Variants in GRIN2B observed in about 807,000 individuals in gnomAD.
GRIN2B encodes glutamate ionotropic receptor NMDA type subunit 2B.
In GRIN2B, 5 loss-of-function variants were observed where a neutral mutation model predicts 114.5. The observed-to-expected ratio is 0.04, with a 90% confidence interval of 0.02 to 0.09. The LOEUF is 0.09. Among genes scored for constraint, GRIN2B ranks in the 10% least tolerant of loss-of-function variants. GRIN2B has a pLI of 1.00. For missense variants in GRIN2B, 1,108 were observed against 1,943.5 expected (o/e 0.57, Z 8.08); for synonymous variants, 787 against 745.1 (o/e 1.06, Z -0.92).
chr12:13,615,789 A>G lies in GRIN2B; in HGVS notation c.1329-125T>C. On this transcript the variant is annotated intron_variant, in intron 6 of 13. Coordinates refer to ENST00000609686, the MANE Select transcript of GRIN2B (RefSeq NM_000834.5). This position sits in a 1 kb window ranked among gnomAD's most constrained non-coding sequence, Gnocchi z 5.8. Reference sequence around the variant, plus strand: ...GCAGGCCCCCTTCACAGCTCAGCACAATTTATACTAGACTCGAGTGAAGAA... The same window carrying G: ...GCAGGCCCCCTTCACAGCTCAGCACGATTTATACTAGACTCGAGTGAAGAA... The G allele has an allele frequency of 1.3e-6, 1 of 771,302 alleles. No individual in the cohort carries two copies. 47.8% of individuals were successfully genotyped at this position (771,302 alleles called of 1,614,324 possible). A position where few individuals can be genotyped will look rare whatever the true frequency, so the allele number is the denominator to read the frequency against.
rs1033631050 is a variant in GRIN2B, at chr12:13,946,530, T to C, written c.-19+33398A>G. On this transcript the variant is annotated intron_variant, in intron 2 of 13. Transcript: ENST00000609686. ...TGCTTGAAAGTATTTTACTGGTCAC[T>C]ATTATACTTCTTTGCAACCAAAATA... Among the ~76,000 whole-genome samples, 6 of 152,122 alleles carry C rather than the reference T, an allele frequency of 3.9e-5. No homozygotes were observed. In the South Asian group the frequency reaches 1.2e-3, roughly 31 times the overall value.
chr12:13,761,059 T>C (rs12580659), intron 3 of GRIN2B, among the ~76,000 whole-genome samples: 15 of 152,320 alleles, frequency 9.8e-5, no homozygotes, highest in East Asian at 9.7e-4. Context: ...TGGAAGCATA[T>C]TGATACAGAA....
chr12:13,807,535 C>T (rs1010328797), intron 3 of GRIN2B, among the ~76,000 whole-genome samples: 1 of 152,032 alleles, frequency 6.6e-6, no homozygotes, highest in South Asian at 2.1e-4. Context: ...AATCTCACCA[C>T]AGCGAAATTT....
chr12:13,847,975 A>G (rs947086998), intron 3 of GRIN2B, among the ~76,000 whole-genome samples: 2 of 152,084 alleles, frequency 1.3e-5, no homozygotes, highest in African/African-American at 4.8e-5. Context: ...CTTAATAGAC[A>G]AAATTCTCTC....
intron 9 of GRIN2B, among the ~76,000 whole-genome samples, chr12:13,611,188 T>A (rs568577315): frequency 1.9e-4 from 29 of 152,312 alleles, no homozygotes; most frequent in Middle Eastern, 3.4e-3. Flanking sequence ...TTCCCATTCA[T>A]TTTATTTCCA....
At chr12:13,895,125 T>G (rs1213502204) in intron 2 of GRIN2B, among the ~76,000 whole-genome samples, 1 of 152,194 alleles carries the variant, frequency 6.6e-6, no homozygotes, top group African/African-American at 2.4e-5. Flanking sequence ...AAGACTTGAA[T>G]GGTTTGATTC....
chr12:13,907,982 G>C (rs1866570944), intron 2 of GRIN2B, among the ~76,000 whole-genome samples: 1 of 151,866 alleles, frequency 6.6e-6, no homozygotes, highest in Admixed American at 6.6e-5. Flanking sequence ...TCCTAAAACT[G>C]CATTTTTTTA....
intron 10 of GRIN2B, among the ~76,000 whole-genome samples, chr12:13,608,144 GCTCAGC>G (rs1411675390): frequency 6.6e-6 from 1 of 152,174 alleles, no homozygotes; most frequent in Non-Finnish European, 1.5e-5. Flanking sequence ...GCTTCTTCCT[GCTCAGC>G]CCCAGAAACA....
chr12:13,685,622 T>C (rs1474860439), intron 4 of GRIN2B, among the ~76,000 whole-genome samples: 3 of 152,128 alleles, frequency 2.0e-5, no homozygotes, highest in South Asian at 2.1e-4. Context: ...TGTCATGCTA[T>C]GTATGTGAGA....
intron 3 of GRIN2B, among the ~76,000 whole-genome samples, chr12:13,758,617 T>C (rs1863621429): frequency 6.6e-6 from 1 of 152,230 alleles, no homozygotes; most frequent in Non-Finnish European, 1.5e-5. Flanking sequence ...AAACAAGAGC[T>C]GGATTATTAT....
rs3026172 is a variant in GRIN2B at position 13,557,333 on chromosome 12, A to C, written c.*5450T>G. The C allele has an allele frequency of 0.079, 11,976 of 152,264 alleles. 680 individuals carry two copies. The highest frequency in any genetic ancestry group is 0.2 in the South Asian group (977 of 4,818). The allele number at this position is 152,264 out of a possible 1,614,324, so 9.4% of individuals were successfully genotyped here. ...CAGGTTAAGTAGCACCTGAGGTCAT[A>C]AGTGGCTCTTTTACCAGATAACAGG... On this transcript the variant is annotated 3_prime_UTR_variant, in exon 14 of 14. Transcript: ENST00000609686.
intron 4 of GRIN2B, among the ~76,000 whole-genome samples, chr12:13,729,410 T>C (rs1430114573): frequency 6.6e-6 from 1 of 152,156 alleles, no homozygotes; most frequent in African/African-American, 2.4e-5. Context: ...TAGCTCTCTG[T>C]CTGTCTTAGC....
At chr12:13,576,776 T>C (rs888151) in intron 10 of GRIN2B, among the ~76,000 whole-genome samples, 144,387 of 152,252 alleles carry the variant, frequency 0.95, 68,947 homozygotes, top group East Asian at 1. Context: ...TGGTTTCTAA[T>C]TCCTGGCCTC....
At chr12:13,901,511 G>T (rs1407743294) in intron 2 of GRIN2B, among the ~76,000 whole-genome samples, 1 of 151,986 alleles carries the variant, frequency 6.6e-6, no homozygotes. Flanking sequence ...TGGCTATTGA[G>T]CATTTGAAAT....
chr12:13,694,713 A>G (rs1950246020), intron 4 of GRIN2B, among the ~76,000 whole-genome samples: 1 of 134,724 alleles, frequency 7.4e-6, no homozygotes. Context: ...AAATTAATTA[A>G]TATTGGTCAC....
intron 2 of GRIN2B, among the ~76,000 whole-genome samples, chr12:13,932,496 G>T (rs1406027531): frequency 6.6e-6 from 1 of 152,090 alleles, no homozygotes; most frequent in Non-Finnish European, 1.5e-5. Flanking sequence ...CACTTAATTG[G>T]CAGTAATAAA....
At chr12:13,958,424 C>T (rs976673718) in intron 2 of GRIN2B, among the ~76,000 whole-genome samples, 2 of 152,170 alleles carry the variant, frequency 1.3e-5, no homozygotes, top group African/African-American at 4.8e-5. Context: ...GGAACATCAT[C>T]ATCTATCTCA....
intron 3 of GRIN2B, among the ~76,000 whole-genome samples, chr12:13,797,265 T>C (rs942081389): frequency 6.6e-6 from 1 of 152,056 alleles, no homozygotes; most frequent in Non-Finnish European, 1.5e-5. Context: ...TTTTATAAGG[T>C]CCCACTCATG....
chr12:13,915,784 A>T (rs535207740), intron 2 of GRIN2B, among the ~76,000 whole-genome samples: 20 of 152,196 alleles, frequency 1.3e-4, no homozygotes, highest in African/African-American at 4.3e-4. Context: ...TCCAGACAAG[A>T]CATCTGAAAC....
Sources: gnomAD v4.1 joint callset for allele counts (sites outside exome capture counted in the v4.1 genomes callset) on GRCh38, gnomAD v4.1.1 for gene constraint, Gnocchi (gnomAD v3.1) non-coding constraint, MANE v1.5 for transcripts, NCBI Gene and HGNC (gene_info 2026-07-23, HGNC 2026-07-21) for gene names.